Variants in DMBT1 observed in about 807,000 individuals in gnomAD.
The protein encoded by DMBT1 is scavenger receptor cysteine-rich domain-containing protein DMBT1.
Under a neutral mutation model 252.9 loss-of-function variants are expected in DMBT1, and 198 were observed. The ratio of observed to expected loss-of-function variants is 0.78; its 90% confidence interval spans 0.70 to 0.88. The LOEUF is 0.88. Among genes scored for constraint, DMBT1 ranks in the 40% least tolerant of loss-of-function variants. DMBT1 has a pLI of 0.00. For synonymous variants in DMBT1, 990 were observed against 942.7 expected (o/e 1.05, Z -0.92); for missense variants, 2,432 against 2,404.7 (o/e 1.01, Z -0.24).
chr10:122,587,702 G>A (rs543123182), intron 16 of DMBT1, among the ~76,000 whole-genome samples: 4 of 148,710 alleles, frequency 2.7e-5, no homozygotes, highest in African/African-American at 4.8e-5. Flanking sequence ...GGCAGAGGCC[G>A]TGCTCAGGCA....
chr10:122,586,159 ATGACAGC>A lies in DMBT1; in HGVS notation c.1562_1568del (p.Asp521GlyfsTer80), dbSNP rs2097787549. 2 of 1,589,104 alleles carry A rather than the reference ATGACAGC, an allele frequency of 1.3e-6. No homozygotes were observed. The highest frequency in any genetic ancestry group is 2.7e-5 in the African/African-American group (2 of 74,506). On this transcript the variant is annotated frameshift_variant, in exon 16 of 56. Transcript: ENST00000338354. LOFTEE classifies it high-confidence loss of function. ...CGAGGCTCCTGGGGCACCGTGTGTG[ATGACAGC>A]TGGGACACCAATGATGCCAATGTGG...
rs753590535 is a variant in DMBT1, at chr10:122,630,343, T to C, written c.5878T>C (p.Leu1960=). 1.2e-6 allele frequency: 2 copies of C among 1,614,034 alleles called. No individual in the cohort carries two copies. The highest frequency in any genetic ancestry group is 1.7e-5 in the Admixed American group (1 of 60,026). ...TTATGTTGAAATCTTTGATGGATCATTGAATAGCAGTCTCCTGCTGGGGAA... is the reference window on the plus strand; with the variant it reads ...TTATGTTGAAATCTTTGATGGATCACTGAATAGCAGTCTCCTGCTGGGGAA... The part of the protein sequence containing the change: ...FDYVEIFDGS[L]NSSLLLGKIC... The change falls in exon 48 of 56, where the codon TTG becomes CTG. Residue 1960 remains leucine, a synonymous_variant. Transcript: ENST00000338354.
chr10:122,590,517 T>G (rs1734638128), intron 17 of DMBT1, 148 bp from the exon 18 acceptor site: 1 of 1,014,404 alleles, frequency 9.9e-7, no homozygotes, highest in Non-Finnish European at 1.5e-6. Context: ...AGGAGCATCT[T>G]TGTGGGGACG....
At chr10:122,625,051 T>A (rs1214776083) in intron 44 of DMBT1, among the ~76,000 whole-genome samples, 1 of 152,194 alleles carries the variant, frequency 6.6e-6, no homozygotes, top group African/African-American at 2.4e-5. Context: ...CTTATGTAGG[T>A]TCCTATAGCA....
intron 2 of DMBT1, 85 bp from the exon 3 acceptor site, chr10:122,570,077 C>G (rs1304175646): frequency 2.4e-6 from 3 of 1,275,420 alleles, no homozygotes; most frequent in African/African-American, 2.9e-5. Context: ...GCTTCCAGTT[C>G]TTGCTTGAGA....
intron 41 of DMBT1, 24 bp downstream of exon 41, chr10:122,618,364 C>A: frequency 1.2e-6 from 2 of 1,613,814 alleles, no homozygotes; most frequent in Non-Finnish European, 1.7e-6. Flanking sequence ...ACCTTGGGCT[C>A]CCTCTCTTAA....
Position 122,589,049 on chromosome 10 carries a change from G to C in DMBT1, c.1889G>C (p.Ser630Thr). ...RGSWGTVCDD[S>T]WDTNDANVVC... ...TCTTGGGGCACCGTGTGTGATGACAGCTGGGACACCAATGATGCCAATGTG... is the reference window on the plus strand; with the variant it reads ...TCTTGGGGCACCGTGTGTGATGACACCTGGGACACCAATGATGCCAATGTG... Residue 630 changes from serine to threonine, a missense_variant, in exon 17 of 56, where the codon AGC becomes ACC. Around this residue, in one of 3 missense-constraint regions of DMBT1, gnomAD observed 1,264 missense variants for 1,082.2 expected, o/e 1.17. Coordinates refer to ENST00000338354, the MANE Select transcript of DMBT1 (RefSeq NM_001377530.1). 1 of 1,588,940 alleles carries C rather than the reference G, an allele frequency of 6.3e-7. No individual in the cohort carries two copies. Among genetic ancestry groups the C allele is most frequent in the Non-Finnish European group, 8.6e-7 (1 of 1,165,990 alleles).
intron 46 of DMBT1, among the ~76,000 whole-genome samples, 188 bp downstream of exon 46, chr10:122,626,153 T>C (rs886682700): frequency 2.0e-5 from 3 of 152,224 alleles, no homozygotes. Flanking sequence ...ATAATAGACT[T>C]AAAGGCTTTT....
chr10:122,589,380 G>C, intron 17 of DMBT1, 113 bp downstream of exon 17: 6 of 1,474,384 alleles, frequency 4.1e-6, no homozygotes, highest in Non-Finnish European at 5.5e-6. Flanking sequence ...CTATGTTTCT[G>C]ATATCTCCTT....
chr10:122,577,726 G>C, intron 7 of DMBT1, 85 bp from the exon 8 acceptor site: 1 of 1,522,672 alleles, frequency 6.6e-7, no homozygotes, highest in Non-Finnish European at 9.0e-7. Flanking sequence ...AGCTCAGGGT[G>C]TAGATACCCC....
rs1266429997 is a variant in DMBT1 at position 122,576,661 on chromosome 10, C to G, written c.546C>G (p.Pro182=). ...ACGAATCCTACCTGTGGAGCTGCCC[C>G]CACAATGGCTGGCTCTCCCATAACT... ...SGHESYLWSC[P]HNGWLSHNCG... The change falls in exon 7 of 56, where the codon CCC becomes CCG. Residue 182 remains proline, a synonymous_variant. Transcript: ENST00000338354. 1 of 1,613,672 alleles carries G rather than the reference C, an allele frequency of 6.2e-7. No individual in the cohort carries two copies. Among genetic ancestry groups the G allele is most frequent in the South Asian group, 1.1e-5 (1 of 91,062 alleles).
At chr10:122,566,029 G>A in intron 2 of DMBT1, 33 bp downstream of exon 2, 12 of 1,612,910 alleles carry the variant, frequency 7.4e-6, no homozygotes, top group Non-Finnish European at 1.0e-5. Flanking sequence ...CTTCCCTGGT[G>A]GGGTTGGCCA....
chr10:122,600,855 A>C, intron 27 of DMBT1, 136 bp from the exon 28 acceptor site: 3 of 1,004,738 alleles, frequency 3.0e-6, no homozygotes, highest in Non-Finnish European at 3.2e-6. Flanking sequence ...GAGACCTGGG[A>C]AGACACATGG....
chr10:122,578,848 G>A, intron 9 of DMBT1, 89 bp downstream of exon 9: 4 of 1,341,424 alleles, frequency 3.0e-6, no homozygotes, highest in Non-Finnish European at 4.2e-6. Flanking sequence ...TTGCCATAAA[G>A]AGAGGTGGGG....
At chr10:122,592,170 C>G in intron 19 of DMBT1, 102 bp from the exon 20 acceptor site, 2 of 1,511,084 alleles carry the variant, frequency 1.3e-6, no homozygotes. Context: ...GACTGCTTGT[C>G]CAGGCGACCT....
intron 16 of DMBT1, among the ~76,000 whole-genome samples, chr10:122,586,952 C>T (rs2097795308): frequency 6.8e-6 from 1 of 147,956 alleles, no homozygotes; most frequent in Admixed American, 6.7e-5. Flanking sequence ...AGGGAGGGCC[C>T]AGACAGTTTT....
At position 122,572,314 on chromosome 10, in the gene DMBT1, G is replaced by T. The variant is rs1443962173; in HGVS notation, c.188G>T (p.Gly63Val). 1 of 1,613,272 alleles carries T rather than the reference G, an allele frequency of 6.2e-7. No individual in the cohort carries two copies. Among genetic ancestry groups the T allele is most frequent in the South Asian group, 1.1e-5 (1 of 91,068 alleles). Residue 63 changes from glycine (G) to valine (V), a missense_variant and splice_region_variant, in exon 5 of 56, where the codon GGT (glycine) becomes GTT (valine). By Grantham distance (109) the Gly-to-Val change is moderately radical. Transcript: ENST00000338354. ...AGCTCTTCCTTTCTCCACCCTGCAG[G>T]TTCTCCGATTTCCTTGGAGTCAACC... is the stretch of plus-strand genomic sequence containing the variant. ...ESTLESTVAE[G>V]SPISLESTLE...
chr10:122,562,081 T>TTC (rs149818776), intron 1 of DMBT1, among the ~76,000 whole-genome samples: 5 of 149,194 alleles, frequency 3.4e-5, no homozygotes, highest in African/African-American at 7.4e-5. Flanking sequence ...TCCTCCCTAT[T>TTC]TCTCTCTCTC....
chr10:122,585,383 G>A, intron 15 of DMBT1, 74 bp downstream of exon 15: 2 of 1,524,476 alleles, frequency 1.3e-6, no homozygotes, highest in East Asian at 4.8e-5. Flanking sequence ...GAAATGATAG[G>A]ATGAGGGTCA....
Sources: allele counts gnomAD v4.1 joint callset (sites outside exome capture counted in the v4.1 genomes callset), GRCh38; gene constraint gnomAD v4.1.1; regional missense constraint gnomAD v4.1.1; transcripts MANE v1.5; gene names NCBI Gene and HGNC (gene_info 2026-07-23, HGNC 2026-07-21).